Variants in CSMD1 observed in about 807,000 individuals in gnomAD.
CSMD1 encodes the protein CUB and Sushi multiple domains 1.
A neutral mutation model predicts 417.5 loss-of-function variants in CSMD1; 213 were observed. That is an observed-to-expected ratio of 0.51 (90% CI 0.46 to 0.57). The LOEUF is 0.57. Among genes scored for constraint, CSMD1 ranks in the 20% least tolerant of loss-of-function variants. The probability of loss-of-function intolerance (pLI) is 0.00; values close to 1 mark genes in which losing one functional copy is unlikely to be tolerated. For synonymous variants in CSMD1, 2,862 were observed against 1,736.8 expected, an observed-to-expected ratio of 1.65 and a Z score of -16.11; for missense variants, 6,923 against 4,529.7, an observed-to-expected ratio of 1.53 and a Z score of -15.17.
intron 3 of CSMD1, among the ~76,000 whole-genome samples, chr8:4,416,350 C>T (rs3931852): frequency 0.65 from 98,585 of 151,902 alleles, 32,986 homozygotes; most frequent in East Asian, 0.92. Flanking sequence ...TAAATTATTG[C>T]ATATAATTCA....
In CSMD1 at chr8:4,428,853, G is replaced by T. The variant is rs1154054; in HGVS notation, c.303-8788C>A. Among the ~76,000 whole-genome samples, 1,079 of 152,064 alleles carry T rather than the reference G, an allele frequency of 7.1e-3. 11 individuals are homozygous for T. Among genetic ancestry groups the T allele is most frequent in the African/African-American group, 0.024 (994 of 41,470 alleles). On this transcript the variant is annotated intron_variant, in intron 2 of 69. Transcript: ENST00000635120. ...CCTGCCTCAGCCTCCTGAGTATCTG[G>T]GATTACAGGCACCACCACGTCCAGC...
At chr8:4,163,237 C>T (rs4407898) in intron 3 of CSMD1, among the ~76,000 whole-genome samples, 58,946 of 151,930 alleles carry the variant, frequency 0.39, 11,669 homozygotes, top group Middle Eastern at 0.5. Flanking sequence ...TTAGCTCCTT[C>T]AGATAAATAA....
chr8:3,383,362 C>A (rs1585083312), intron 18 of CSMD1, among the ~76,000 whole-genome samples: 1 of 152,004 alleles, frequency 6.6e-6, no homozygotes, highest in African/African-American at 2.4e-5. Flanking sequence ...CGGAGGGAAG[C>A]CTTCTTCCAC....
intron 3 of CSMD1, among the ~76,000 whole-genome samples, chr8:4,231,009 A>T (rs1044543615): frequency 6.6e-6 from 1 of 152,156 alleles, no homozygotes; most frequent in African/African-American, 2.4e-5. Context: ...CATCACACAC[A>T]CATTCACAGA....
chr8:3,677,472 G>A (rs541805469), intron 7 of CSMD1, among the ~76,000 whole-genome samples: 15 of 152,204 alleles, frequency 9.9e-5, no homozygotes, highest in Non-Finnish European at 1.9e-4. Context: ...TGAATGCACA[G>A]ATCTGAGCAC....
intron 41 of CSMD1, among the ~76,000 whole-genome samples, chr8:3,133,819 G>A (rs1250646591): frequency 6.6e-6 from 1 of 152,224 alleles, no homozygotes; most frequent in East Asian, 1.9e-4. Context: ...TGCCTCACAA[G>A]TCAAACTGAG....
intron 1 of CSMD1, among the ~76,000 whole-genome samples, chr8:4,709,225 C>G (rs116945140): frequency 1.3e-5 from 2 of 152,136 alleles, no homozygotes; most frequent in African/African-American, 2.4e-5. Flanking sequence ...TAGAAGGAAC[C>G]AGGCTACTCT....
intron 3 of CSMD1, among the ~76,000 whole-genome samples, chr8:4,304,791 T>G (rs1314601216): frequency 6.6e-6 from 1 of 152,224 alleles, no homozygotes; most frequent in Admixed American, 6.5e-5. Context: ...AACTTCATCC[T>G]AAGCCATACC....
intron 2 of CSMD1, among the ~76,000 whole-genome samples, chr8:4,577,587 C>A (rs959856828): frequency 6.6e-6 from 1 of 152,182 alleles, no homozygotes; most frequent in Non-Finnish European, 1.5e-5. Flanking sequence ...TTCCCTCAGG[C>A]AGGATCCAGT....
At chr8:3,937,150 G>T (rs184977829) in intron 5 of CSMD1, among the ~76,000 whole-genome samples, 15 of 152,222 alleles carry the variant, frequency 9.9e-5, no homozygotes, top group African/African-American at 3.4e-4. Context: ...CAAAGAAAGT[G>T]GTTTCTTTAG....
chr8:4,517,215 T>G (rs1471572460), intron 2 of CSMD1, among the ~76,000 whole-genome samples: 1 of 152,220 alleles, frequency 6.6e-6, no homozygotes, highest in Non-Finnish European at 1.5e-5. Context: ...GATATCATAT[T>G]ACAATCAAGG....
rs369661124 is a variant in CSMD1, at chr8:3,859,836, A to G, written c.819-105794T>C. 3.3e-5 allele frequency among the ~76,000 whole-genome samples: 5 copies of G among 152,304 alleles called. No individual in the cohort carries two copies. The East Asian group carries it at 5.8e-4, about 18-fold the overall frequency. ...AGGGAACAGGCAGGAGAAGCTGCAC[A>G]TTTGGAAGCCTCCTGGGTACAGCCT... is the stretch of plus-strand genomic sequence containing the variant. On this transcript the variant is annotated intron_variant, in intron 5 of 69. Transcript: ENST00000635120.
At chr8:4,177,963 A>C (rs1029748202) in intron 3 of CSMD1, among the ~76,000 whole-genome samples, 5 of 152,232 alleles carry the variant, frequency 3.3e-5, no homozygotes, top group African/African-American at 1.2e-4. Context: ...AAAAGAGTCC[A>C]GGATCATATG....
chr8:3,428,801 C>T (rs145291574), intron 12 of CSMD1, among the ~76,000 whole-genome samples: 7 of 152,040 alleles, frequency 4.6e-5, no homozygotes, highest in Non-Finnish European at 7.4e-5. Flanking sequence ...ACGGAAAGAA[C>T]CGAGGTGTCA....
intron 3 of CSMD1, among the ~76,000 whole-genome samples, chr8:4,172,088 C>T (rs955297748): frequency 2.0e-5 from 3 of 152,116 alleles, no homozygotes; most frequent in African/African-American, 4.8e-5. Context: ...GAAGGCGTAT[C>T]ACGGAGAGTT....
intron 5 of CSMD1, among the ~76,000 whole-genome samples, chr8:3,869,077 C>T (rs1387701166): frequency 2.6e-5 from 4 of 152,202 alleles, no homozygotes; most frequent in Admixed American, 2.0e-4. Flanking sequence ...GCTGACATGA[C>T]CTTAGGGACC....
chr8:3,415,798 T>A (rs1292131450), intron 12 of CSMD1, among the ~76,000 whole-genome samples: 1 of 152,236 alleles, frequency 6.6e-6, no homozygotes. Flanking sequence ...TGGAAAAGTA[T>A]ACAAGTAATA....
intron 5 of CSMD1, among the ~76,000 whole-genome samples, chr8:3,798,382 T>C (rs13281530): frequency 0.37 from 55,918 of 151,826 alleles, 10,717 homozygotes; most frequent in East Asian, 0.49. Context: ...AGTTTTTTAA[T>C]TGGGTCTCTT....
chr8:4,163,759 A>G (rs1016883083), intron 3 of CSMD1, among the ~76,000 whole-genome samples: 5 of 152,170 alleles, frequency 3.3e-5, no homozygotes, highest in African/African-American at 1.2e-4. Flanking sequence ...TGCTAAGCTT[A>G]CAATTTTGGA....
Sources: allele counts gnomAD v4.1 joint callset (sites outside exome capture counted in the v4.1 genomes callset), GRCh38; gene constraint gnomAD v4.1.1; transcripts MANE v1.5; gene names NCBI Gene and HGNC (gene_info 2026-07-23, HGNC 2026-07-21).